EML4: variants seen among roughly 807,000 people sequenced by gnomAD.
The protein encoded by EML4 is EMAP like 4.
A neutral mutation model predicts 129.0 loss-of-function variants in EML4; 72 were observed. That is an observed-to-expected ratio of 0.56 (90% CI 0.46 to 0.68). The LOEUF is 0.68. EML4 is among the 30% of genes least tolerant of loss of function. The pLI, the probability that EML4 is intolerant of heterozygous loss-of-function variation, is 0.00. For synonymous variants in EML4, 532 were observed against 405.0 expected, an observed-to-expected ratio of 1.31 and a Z score of -3.77; for missense variants, 1,363 against 1,190.6, an observed-to-expected ratio of 1.14 and a Z score of -2.13.
Position 42,280,908 on chromosome 2 carries a change from C to T in EML4, c.726C>T (p.Ser242=), listed in dbSNP as rs72972015. ...GGCCAATTACCATGTTCATTCCTTCCGATGTTGACAACTATGATGACATCA... is the reference window on the plus strand; with the variant it reads ...GGCCAATTACCATGTTCATTCCTTCTGATGTTGACAACTATGATGACATCA... ...RGRPITMFIP[S]DVDNYDDIRT... is the part of the protein sequence containing the mutation. The change falls in exon 7 of 23, where the codon TCC becomes TCT. Residue 242 remains serine, a synonymous_variant. Coordinates refer to ENST00000318522, the MANE Select transcript of EML4 (RefSeq NM_019063.5). The T allele has an allele frequency of 5.1e-3, 8,171 of 1,611,436 alleles. 373 individuals are homozygous for T. In the African/African-American group the frequency reaches 0.092, roughly 18 times the overall value.
At position 42,317,669 on chromosome 2, in the gene EML4, A is replaced by G. The variant is rs1469248235; in HGVS notation, c.2154+145A>G. ...TGAAAACTGGAACTGGTAATACATG[A>G]TAGCAGAACATCAGAGTTCCCTGTG... On this transcript the variant is annotated intron_variant, in intron 19 of 22. Transcript: ENST00000318522. The G allele has an allele frequency of 7.6e-5, 45 of 591,506 alleles. No individual in the cohort carries two copies. The East Asian group carries it at 1.3e-3, about 17-fold the overall frequency. The allele number at this position is 591,506 out of a possible 1,614,324, so 36.6% of individuals were successfully genotyped here.
At chr2:42,180,295 G>T (rs1401500710) in intron 1 of EML4, among the ~76,000 whole-genome samples, 1 of 152,160 alleles carries the variant, frequency 6.6e-6, no homozygotes, top group African/African-American at 2.4e-5. Context: ...CATGTCTCTG[G>T]ACCAGAGGTA....
chr2:42,188,921 G>C (rs1427121067), intron 1 of EML4, among the ~76,000 whole-genome samples: 2 of 152,166 alleles, frequency 1.3e-5, no homozygotes, highest in Non-Finnish European at 2.9e-5. Flanking sequence ...CTTGAGCCCA[G>C]GTAGGCAGCA....
rs2103853156 is a variant in EML4 at position 42,330,367 on chromosome 2, A to G, written c.*160A>G. On this transcript the variant is annotated 3_prime_UTR_variant, in exon 23 of 23. Coordinates refer to ENST00000318522, the MANE Select transcript of EML4 (RefSeq NM_019063.5). ...TAGTCTTATTTTCAGTCTCTCAAAT[A>G]CAGCCAACTTAAAGTTTTAGTTTGG... The G allele has an allele frequency of 1.4e-6, 1 of 724,116 alleles. No individual in the cohort carries two copies. Among genetic ancestry groups the G allele is most frequent in the Non-Finnish European group, 2.4e-6 (1 of 408,764 alleles). The allele number at this position is 724,116 out of a possible 1,614,324, so 44.9% of individuals were successfully genotyped here. A position where few individuals can be genotyped will look rare whatever the true frequency, so the allele number is the denominator to read the frequency against.
chr2:42,304,893 C>T (rs1009272557), intron 17 of EML4, among the ~76,000 whole-genome samples: 1 of 152,028 alleles, frequency 6.6e-6, no homozygotes, highest in African/African-American at 2.4e-5. Flanking sequence ...CCAAGGTGGG[C>T]GGATCACCTG....
At position 42,295,338 on chromosome 2, in the gene EML4, CA is replaced by C. The variant is rs765827690; in HGVS notation, c.1354-42del. 3.1e-6 allele frequency: 5 copies of C among 1,604,870 alleles called. No homozygotes were observed. In the South Asian group the frequency reaches 5.6e-5, roughly 18 times the overall value. ...AATTGTTTAATAAGCATCAAGTTGT[CA>C]TGGCAAAAAGAAAACTGAAAATTTT... On this transcript the variant is annotated intron_variant, in intron 12 of 22. Coordinates refer to ENST00000318522, the MANE Select transcript of EML4 (RefSeq NM_019063.5).
intron 2 of EML4, among the ~76,000 whole-genome samples, chr2:42,249,717 T>C (rs145984004): frequency 6.6e-6 from 1 of 152,354 alleles, no homozygotes; most frequent in East Asian, 1.9e-4. Flanking sequence ...TCTTCTGCAG[T>C]GTGCCAGCAG....
chr2:42,200,961 A>G (rs1046503024), intron 1 of EML4, among the ~76,000 whole-genome samples: 45 of 152,172 alleles, frequency 3.0e-4, no homozygotes, highest in African/African-American at 8.4e-4. Context: ...GTATTCTCCT[A>G]AGGATGACCC....
At chr2:42,210,037 A>G (rs981550383) in intron 1 of EML4, among the ~76,000 whole-genome samples, 1 of 152,154 alleles carries the variant, frequency 6.6e-6, no homozygotes, top group Non-Finnish European at 1.5e-5. Context: ...GTTTCCACAC[A>G]CACCCCCCAT....
At chr2:42,297,603 T>C (rs757752166) in intron 13 of EML4, among the ~76,000 whole-genome samples, 1 of 152,174 alleles carries the variant, frequency 6.6e-6, no homozygotes, top group Non-Finnish European at 1.5e-5. Flanking sequence ...GGGAAGAATT[T>C]GGTGAGCGCA....
chr2:42,314,213 G>A (rs1669111212), intron 17 of EML4, among the ~76,000 whole-genome samples: 1 of 151,858 alleles, frequency 6.6e-6, no homozygotes, highest in Non-Finnish European at 1.5e-5. Context: ...ACAAAAATTA[G>A]CTGGGTGTGG....
chr2:42,319,481 A>C (rs1017191739), intron 19 of EML4: 1 of 152,202 alleles, frequency 6.6e-6, no homozygotes, highest in African/African-American at 2.4e-5. Context: ...TTGTAATGAA[A>C]GGTTCAACTA....
chr2:42,227,811 T>G (rs1674072077), intron 1 of EML4, among the ~76,000 whole-genome samples: 1 of 152,360 alleles, frequency 6.6e-6, no homozygotes, highest in East Asian at 1.9e-4. Flanking sequence ...ACATATCACC[T>G]TATAAAACTA....
At chr2:42,241,203 A>C (rs1675008644) in intron 1 of EML4, among the ~76,000 whole-genome samples, 1 of 152,144 alleles carries the variant, frequency 6.6e-6, no homozygotes, top group African/African-American at 2.4e-5. Flanking sequence ...GTAATACCAG[A>C]GTTAATGCAC....
rs190293980 is a variant in EML4, at chr2:42,303,595, C to T, written c.1899+149C>T. ...ATAGAGGGTGGAGATAAGAGGGTAG[C>T]GTTTAGTCTTAAAGTGTGAACATGA... On this transcript the variant is annotated intron_variant, in intron 16 of 22. Coordinates refer to ENST00000318522, the MANE Select transcript of EML4 (RefSeq NM_019063.5). 1.8e-3 allele frequency: 1,624 copies of T among 888,868 alleles called. 10 individuals are homozygous for T. The highest frequency in any genetic ancestry group is 7.8e-3 in the Middle Eastern group (30 of 3,868). 55.1% of individuals were successfully genotyped at this position (888,868 alleles called of 1,614,324 possible). A position where few individuals can be genotyped will look rare whatever the true frequency, so the allele number is the denominator to read the frequency against.
At chr2:42,209,915 G>A (rs1417228293) in intron 1 of EML4, among the ~76,000 whole-genome samples, 1 of 151,706 alleles carries the variant, frequency 6.6e-6, no homozygotes. Context: ...GGCAACAAGG[G>A]CAAAACTCAG....
At chr2:42,309,217 G>A (rs755189218) in intron 17 of EML4, among the ~76,000 whole-genome samples, 5 of 151,568 alleles carry the variant, frequency 3.3e-5, no homozygotes, top group Admixed American at 6.6e-5. Context: ...ACCAACCTGG[G>A]CAATATAGCA....
At chr2:42,303,528 C>CT (rs1202758233) in intron 16 of EML4, 82 bp downstream of exon 16, 30 of 1,472,168 alleles carry the variant, frequency 2.0e-5, no homozygotes, top group Non-Finnish European at 2.7e-5. Context: ...GTAAAAAGGA[C>CT]TAAGTGTTGA....
chr2:42,324,863 T>C (rs1669703493), intron 19 of EML4, among the ~76,000 whole-genome samples: 1 of 152,248 alleles, frequency 6.6e-6, no homozygotes, highest in Non-Finnish European at 1.5e-5. Flanking sequence ...AAAAGATCGT[T>C]GTTTCCTGCT....
Sources: gnomAD v4.1 joint callset for allele counts (sites outside exome capture counted in the v4.1 genomes callset) on GRCh38, gnomAD v4.1.1 for gene constraint, MANE v1.5 for transcripts, NCBI Gene and HGNC (gene_info 2026-07-23, HGNC 2026-07-21) for gene names.